The following DOCK5 variants were observed in gnomAD, a reference collection of about 807,000 sequenced individuals.
The protein encoded by DOCK5 is dedicator of cytokinesis protein 5.
Under a neutral mutation model 251.8 loss-of-function variants are expected in DOCK5, and 142 were observed. The ratio of observed to expected loss-of-function variants is 0.56; its 90% CI spans 0.49 to 0.65. The LOEUF (loss-of-function observed/expected upper bound fraction) is 0.65. Ranked by LOEUF, DOCK5 falls within the 30% of genes least tolerant of loss-of-function variation. DOCK5 has a pLI of 0.00. For synonymous variants in DOCK5, 842 were observed against 835.5 expected, an observed-to-expected ratio of 1.01 and a Z score of -0.13; for missense variants, 2,111 against 2,312.3, an observed-to-expected ratio of 0.91 and a Z score of 1.79.
intron 1 of DOCK5, among the ~76,000 whole-genome samples, chr8:25,229,992 T>C (rs555925803): frequency 6.6e-6 from 1 of 152,312 alleles, no homozygotes; most frequent in African/African-American, 2.4e-5. Flanking sequence ...GGTCATAGTT[T>C]TCTCGTAAGT....
At chr8:25,187,213 A>G (rs1015310432) in intron 1 of DOCK5, among the ~76,000 whole-genome samples, 33 of 148,052 alleles carry the variant, frequency 2.2e-4, no homozygotes, top group Admixed American at 9.5e-4. Context: ...AAAAAAAACT[A>G]TATATACATA....
At chr8:25,406,344 T>C (rs1801522961) in intron 48 of DOCK5, among the ~76,000 whole-genome samples, 1 of 152,208 alleles carries the variant, frequency 6.6e-6, no homozygotes, top group Non-Finnish European at 1.5e-5. Context: ...TGAGCATTTA[T>C]GCATCATTAA....
intron 47 of DOCK5, among the ~76,000 whole-genome samples, chr8:25,402,108 A>G (rs1004728705): frequency 2.6e-5 from 4 of 151,826 alleles, no homozygotes; most frequent in African/African-American, 9.7e-5. Flanking sequence ...GTTCTCTTTA[A>G]TGGTCTTATT....
chr8:25,279,851 C>G (rs1321062684), intron 5 of DOCK5, among the ~76,000 whole-genome samples: 1 of 151,938 alleles, frequency 6.6e-6, no homozygotes, highest in African/African-American at 2.4e-5. Context: ...TCTTGAACTC[C>G]TGACCTCAAG....
intron 1 of DOCK5, among the ~76,000 whole-genome samples, chr8:25,231,520 A>T (rs1329306840): frequency 6.6e-6 from 1 of 152,200 alleles, no homozygotes; most frequent in Non-Finnish European, 1.5e-5. Flanking sequence ...TTATACATTG[A>T]CCAAAAAATT....
intron 1 of DOCK5, among the ~76,000 whole-genome samples, chr8:25,185,472 T>C (rs1801409666): frequency 6.6e-6 from 1 of 152,024 alleles, no homozygotes; most frequent in Non-Finnish European, 1.5e-5. Flanking sequence ...GAGACTGGGA[T>C]CTTGATGACA....
At chr8:25,389,906 CA>C (rs1480567264) in intron 41 of DOCK5, among the ~76,000 whole-genome samples, 1 of 150,596 alleles carries the variant, frequency 6.6e-6, no homozygotes, top group Non-Finnish European at 1.5e-5. Flanking sequence ...TGTTTAAATC[CA>C]TTTCTAAGTA....
chr8:25,291,916 ATCTG>A, intron 5 of DOCK5, 104 bp from the exon 6 acceptor site: 1 of 1,116,518 alleles, frequency 9.0e-7, no homozygotes, highest in Non-Finnish European at 1.2e-6. Context: ...GTTCCCTCTC[ATCTG>A]TCTGACATTC....
At chr8:25,253,935 C>A (rs1803343234) in intron 2 of DOCK5, among the ~76,000 whole-genome samples, 1 of 152,152 alleles carries the variant, frequency 6.6e-6, no homozygotes, top group Non-Finnish European at 1.5e-5. Flanking sequence ...TCAGAACAAC[C>A]AACATGAAGT....
chr8:25,290,240 G>A (rs1471610996), intron 5 of DOCK5, among the ~76,000 whole-genome samples: 1 of 152,080 alleles, frequency 6.6e-6, no homozygotes, highest in Non-Finnish European at 1.5e-5. Context: ...CAATCTTTTG[G>A]CTTCCCTAGG....
chr8:25,304,157 C>T (rs1161164939), intron 10 of DOCK5, 98 bp from the exon 11 acceptor site: 1 of 1,007,796 alleles, frequency 9.9e-7, no homozygotes, highest in East Asian at 2.8e-5. Context: ...ACCTTTCTTC[C>T]TGCAGTGTTT....
rs953531872 is a variant in DOCK5, at chr8:25,391,821, A to G, written c.4356-75A>G. ...AACTCAGACCAGGCAGATGTGTTAT[A>G]GGTTTTGTTGAAGTCAAGTCAAGCA... is the stretch of plus-strand genomic sequence containing the variant. On this transcript the variant is annotated intron_variant, in intron 42 of 51. Coordinates refer to ENST00000276440, the MANE Select transcript of DOCK5 (RefSeq NM_024940.8). The G allele has an allele frequency of 1.0e-5, 14 of 1,336,376 alleles. No homozygotes were observed. In the African/African-American group the frequency reaches 1.6e-4, roughly 15 times the overall value. 82.8% of individuals were successfully genotyped at this position (1,336,376 alleles called of 1,614,324 possible).
chr8:25,220,945 G>A (rs993319584), intron 1 of DOCK5, among the ~76,000 whole-genome samples: 3 of 152,050 alleles, frequency 2.0e-5, no homozygotes, highest in Non-Finnish European at 4.4e-5. Context: ...CCTGTCTCCC[G>A]TGGGAGTGGA....
chr8:25,217,577 G>A (rs1802281445), intron 1 of DOCK5, among the ~76,000 whole-genome samples: 1 of 152,174 alleles, frequency 6.6e-6, no homozygotes, highest in Admixed American at 6.5e-5. Flanking sequence ...TTTAGTTCCA[G>A]TGGCACAGAA....
intron 3 of DOCK5, among the ~76,000 whole-genome samples, chr8:25,273,445 A>G (rs1803964877): frequency 6.6e-6 from 1 of 152,220 alleles, no homozygotes; most frequent in Admixed American, 6.5e-5. Context: ...TCTACTAAAA[A>G]TACAAAAATT....
chr8:25,245,541 C>CT (rs572702332), intron 2 of DOCK5, among the ~76,000 whole-genome samples: 1,747 of 132,348 alleles, frequency 0.013, 38 homozygotes, highest in African/African-American at 0.039. Flanking sequence ...GTGCAAAGTT[C>CT]TTTTTTTTTT....
chr8:25,393,187 G>A (rs946430128), intron 44 of DOCK5, among the ~76,000 whole-genome samples: 1 of 152,138 alleles, frequency 6.6e-6, no homozygotes, highest in Non-Finnish European at 1.5e-5. Context: ...GGAGTTTCTT[G>A]TCAATTACAT....
At chr8:25,391,197 CTGTGTGTGTGTGTGTG>C (rs760981712) in intron 42 of DOCK5, among the ~76,000 whole-genome samples, 23 of 22,922 alleles carry the variant, frequency 1.0e-3, no homozygotes, top group African/African-American at 1.1e-3. Flanking sequence ...ACCACCACAC[CTGTGTGTGTGTGTGTG>C]TGTGTGTGTG....
intron 34 of DOCK5, among the ~76,000 whole-genome samples, chr8:25,370,237 A>G (rs1024397119): frequency 3.3e-5 from 5 of 152,350 alleles, no homozygotes; most frequent in South Asian, 2.1e-4. Flanking sequence ...AGAGTGGGAA[A>G]GTGATTAAAA....
Sources: allele counts gnomAD v4.1 joint callset (sites outside exome capture counted in the v4.1 genomes callset), GRCh38; gene constraint gnomAD v4.1.1; transcripts MANE v1.5; gene names NCBI Gene and HGNC (gene_info 2026-07-23, HGNC 2026-07-21).